The following ABCA13 variants were observed in gnomAD, a reference collection of about 807,000 sequenced individuals.
ABCA13 encodes ATP-binding cassette sub-family A member 13.
ABCA13 carries 476 observed loss-of-function variants against 478.7 expected under a neutral mutation model. The ratio of observed to expected loss-of-function variants is 0.99; its 90% confidence interval spans 0.92 to 1.07. The LOEUF is 1.07. Ranked by LOEUF, ABCA13 falls within the 50% of genes least tolerant of loss-of-function variation. ABCA13 has a pLI of 0.00. For missense variants in ABCA13, 6,060 were observed against 5,910.6 expected (o/e 1.03, Z -0.83); for synonymous variants, 2,252 against 2,158.9 (o/e 1.04, Z -1.20).
intron 15 of ABCA13, among the ~76,000 whole-genome samples, chr7:48,266,513 A>G (rs1299657604): frequency 6.6e-6 from 1 of 151,772 alleles, no homozygotes; most frequent in Non-Finnish European, 1.5e-5. Flanking sequence ...GTATTCTATT[A>G]TTAACTTCTT....
intron 52 of ABCA13, among the ~76,000 whole-genome samples, chr7:48,517,442 G>T (rs1431944732): frequency 6.6e-6 from 1 of 152,134 alleles, no homozygotes; most frequent in African/African-American, 2.4e-5. Flanking sequence ...GAGGCCCGTG[G>T]TCAGGAAGAA....
intron 3 of ABCA13, among the ~76,000 whole-genome samples, chr7:48,200,964 T>A (rs984409749): frequency 1.3e-5 from 2 of 150,222 alleles, no homozygotes; most frequent in Non-Finnish European, 3.0e-5. Flanking sequence ...GTACCCCAAG[T>A]CCAGCGGAGA....
At chr7:48,294,238 T>G (rs190459414) in intron 20 of ABCA13, among the ~76,000 whole-genome samples, 1 of 152,276 alleles carries the variant, frequency 6.6e-6, no homozygotes, top group East Asian at 1.9e-4. Context: ...TAACAGTACC[T>G]AAAATCTACT....
At chr7:48,401,547 C>T (rs1817601649) in intron 38 of ABCA13, among the ~76,000 whole-genome samples, 1 of 152,124 alleles carries the variant, frequency 6.6e-6, no homozygotes, top group African/African-American at 2.4e-5. Flanking sequence ...ACTCTGATTT[C>T]CTGCAGAAGG....
intron 26 of ABCA13, among the ~76,000 whole-genome samples, chr7:48,315,942 C>T (rs1357498404): frequency 1.3e-5 from 2 of 152,102 alleles, no homozygotes; most frequent in Non-Finnish European, 2.9e-5. Flanking sequence ...AGTATCAAAT[C>T]TAAGATAATA....
intron 58 of ABCA13, among the ~76,000 whole-genome samples, chr7:48,596,131 G>A (rs1188465959): frequency 6.6e-6 from 1 of 152,210 alleles, no homozygotes; most frequent in African/African-American, 2.4e-5. Context: ...GCCATTTCCT[G>A]TAACAAGTGT....
intron 23 of ABCA13, among the ~76,000 whole-genome samples, chr7:48,299,136 T>C (rs557824917): frequency 6.6e-6 from 1 of 152,340 alleles, no homozygotes; most frequent in African/African-American, 2.4e-5. Flanking sequence ...ACCTGGATCC[T>C]TAGCAGGAGA....
chr7:48,179,234 A>C (rs1030250492), intron 1 of ABCA13, among the ~76,000 whole-genome samples: 3 of 152,192 alleles, frequency 2.0e-5, no homozygotes, highest in African/African-American at 4.8e-5. Flanking sequence ...GGCAGCCTCA[A>C]GTGTTATTTT....
At chr7:48,468,068 G>A (rs1387543307) in intron 44 of ABCA13, among the ~76,000 whole-genome samples, 1 of 151,988 alleles carries the variant, frequency 6.6e-6, no homozygotes, top group Non-Finnish European at 1.5e-5. Context: ...GTAACCTAGG[G>A]CCCCATGGGG....
At chr7:48,264,698 G>A (rs4352796) in intron 15 of ABCA13, among the ~76,000 whole-genome samples, 1 of 151,094 alleles carries the variant, frequency 6.6e-6, no homozygotes, top group African/African-American at 2.4e-5. Context: ...CATACGCTTT[G>A]CAAATATTTC....
rs542405332 is a variant in ABCA13, at chr7:48,235,087, G to A, written c.897+936G>A. Among the ~76,000 whole-genome samples, 7 of 152,254 alleles carry A rather than the reference G, an allele frequency of 4.6e-5. No individual in the cohort carries two copies. The South Asian group carries it at 1.5e-3, about 32-fold the overall frequency. Reference sequence around the variant, plus strand: ...TCAGGGGTTAGATGGTTGGGTTGCAGCCAGCAGACCCTCATGCTGGCTTGG... The same window carrying A: ...TCAGGGGTTAGATGGTTGGGTTGCAACCAGCAGACCCTCATGCTGGCTTGG... On this transcript the variant is annotated intron_variant, in intron 8 of 61. Transcript: ENST00000435803.
rs746139643 is a variant in ABCA13, at chr7:48,506,379, C to A, written c.13335C>A (p.Asn4445Lys). Reference sequence around the variant, plus strand: ...ACCCATATGGAGGGGCCTTGCTGAACGAGGACAAGATGTGAGTTGATGGAA... The same window carrying A: ...ACCCATATGGAGGGGCCTTGCTGAAAGAGGACAAGATGTGAGTTGATGGAA... ...YSHPYGGALL[N>K]EDKILESIRQ... Residue 4445 changes from asparagine (N) to lysine (K), a missense_variant, in exon 49 of 62, where the codon AAC (asparagine) becomes AAA (lysine). Physicochemically the swap from Asn to Lys is moderately conservative, Grantham distance 94. Coordinates refer to ENST00000435803, the MANE Select transcript of ABCA13 (RefSeq NM_152701.5). 1.2e-6 allele frequency: 2 copies of A among 1,613,716 alleles called. No homozygotes were observed. The highest frequency in any genetic ancestry group is 1.7e-6 in the Non-Finnish European group (2 of 1,179,672).
chr7:48,173,819 T>C (rs1008765559), intron 1 of ABCA13, among the ~76,000 whole-genome samples: 4 of 152,236 alleles, frequency 2.6e-5, no homozygotes, highest in African/African-American at 9.6e-5. Flanking sequence ...TAAATGAGTT[T>C]GTACATGTAA....
intron 10 of ABCA13, 51 bp downstream of exon 10, chr7:48,241,117 G>A: frequency 1.3e-6 from 2 of 1,586,140 alleles, no homozygotes; most frequent in Non-Finnish European, 1.7e-6. Context: ...GACACAGAAT[G>A]TTAAAGAGTG....
chr7:48,563,794 TTGTGTGTG>T (rs200813371), intron 55 of ABCA13, among the ~76,000 whole-genome samples: 251 of 101,654 alleles, frequency 2.5e-3, no homozygotes, highest in South Asian at 8.1e-3. Flanking sequence ...TGTTTACTGC[TTGTGTGTG>T]TGTGTGTGTG....
intron 59 of ABCA13, among the ~76,000 whole-genome samples, chr7:48,624,910 G>A (rs1793520412): frequency 6.6e-6 from 1 of 151,984 alleles, no homozygotes; most frequent in South Asian, 2.1e-4. Context: ...AGAAAACACA[G>A]CTTCAAATGA....
At chr7:48,596,706 G>A (rs1001412341) in intron 58 of ABCA13, among the ~76,000 whole-genome samples, 10 of 151,912 alleles carry the variant, frequency 6.6e-5, no homozygotes, top group Admixed American at 6.5e-4. Context: ...GCTGAGGCAG[G>A]AGAATGTCAT....
intron 20 of ABCA13, among the ~76,000 whole-genome samples, chr7:48,293,319 A>G (rs1160624218): frequency 2.6e-5 from 4 of 152,048 alleles, no homozygotes; most frequent in African/African-American, 9.7e-5. Context: ...CTTGGAACAT[A>G]TATTTGTGAG....
chr7:48,189,926 AAT>A (rs1796869571), intron 1 of ABCA13, among the ~76,000 whole-genome samples: 1 of 152,216 alleles, frequency 6.6e-6, no homozygotes, highest in Non-Finnish European at 1.5e-5. Context: ...AGTCTGTAAA[AAT>A]AAAGAACAAC....
Sources: gnomAD v4.1 joint callset for allele counts (sites outside exome capture counted in the v4.1 genomes callset) on GRCh38, gnomAD v4.1.1 for gene constraint, MANE v1.5 for transcripts, NCBI Gene and HGNC (gene_info 2026-07-23, HGNC 2026-07-21) for gene names.